SUOX: variants seen among roughly 807,000 people sequenced by gnomAD.
SUOX encodes the protein sulfite oxidase, mitochondrial.
SUOX carries 39 observed loss-of-function variants against 41.9 expected under a neutral mutation model. The ratio of observed to expected loss-of-function variants is 0.93; its 90% CI spans 0.72 to 1.21. The LOEUF (loss-of-function observed/expected upper bound fraction) is 1.21. Ranked by LOEUF, SUOX falls within the 50% of genes most tolerant of loss-of-function variation. The pLI is 0.00. For missense variants in SUOX, 633 were observed against 689.5 expected (o/e 0.92, Z 0.92); for synonymous variants, 220 against 268.4 (o/e 0.82, Z 1.76).
rs372831262 is a variant in SUOX, at chr12:56,004,854, C to T, written c.1465C>T (p.Arg489Cys). ...GCGCCCCAGGAAGGCCTGGGCATGGCGTCTGTGGCAGTTGAAAGCCCCTGT... is the reference window on the plus strand; with the variant it reads ...GCGCCCCAGGAAGGCCTGGGCATGGTGTCTGTGGCAGTTGAAAGCCCCTGT... Reference protein sequence around the residue: ...EQRPRKAWAWRLWQLKAPVPA... With the variant: ...EQRPRKAWAWCLWQLKAPVPA... The change falls in exon 5 of 5, where the codon CGT becomes TGT. Residue 489 changes from arginine (R) to cysteine (C), a missense_variant. Coordinates refer to ENST00000266971, the MANE Select transcript of SUOX (RefSeq NM_001032386.2). This position sits in a 1 kb window ranked among gnomAD's most constrained non-coding sequence, Gnocchi z 4.5. The T allele has an allele frequency of 1.6e-5, 26 of 1,614,012 alleles. No homozygotes were observed. The highest frequency in any genetic ancestry group is 5.3e-5 in the African/African-American group (4 of 74,900).
intron 2 of SUOX, among the ~76,000 whole-genome samples, chr12:55,998,439 C>T (rs1890387911): frequency 6.6e-6 from 1 of 150,840 alleles, no homozygotes; most frequent in Non-Finnish European, 1.5e-5. Flanking sequence ...CCCCGCTACT[C>T]AGGAGGTTGA....
intron 2 of SUOX, among the ~76,000 whole-genome samples, chr12:55,998,541 C>G (rs1000141831): frequency 4.0e-5 from 6 of 151,156 alleles, no homozygotes; most frequent in Admixed American, 2.6e-4. Flanking sequence ...AAGACCCTGT[C>G]AGGGGCAGGG....
chr12:56,002,620 T>C lies in SUOX; in HGVS notation c.128T>C (p.Leu43Pro). The C allele has an allele frequency of 6.2e-7, 1 of 1,613,930 alleles. No homozygotes were observed. ...NDSFQPQRPS[L>P]TFSGDNSSTQ... ...TCATTTCAGCCCCAGCGCCCCAGCC[T>C]CACCTTCTCTGGTGATAACTCCAGC... is the stretch of plus-strand genomic sequence containing the variant. The change falls in exon 4 of 5, where the codon CTC becomes CCC. Residue 43 changes from leucine (L) to proline (P), a missense_variant. Physicochemically the swap from Leu to Pro is moderately conservative, Grantham distance 98. Coordinates refer to ENST00000266971, the MANE Select transcript of SUOX (RefSeq NM_001032386.2).
rs1364235646 is a variant in SUOX, at chr12:55,997,302, G to A, written c.-157G>A. Reference sequence around the variant, plus strand: ...CCCCTTCTCGAGAACTCGCAGAGCTGGGCTGGTAAAATTGCAGTGCTGAAG... The same window carrying A: ...CCCCTTCTCGAGAACTCGCAGAGCTAGGCTGGTAAAATTGCAGTGCTGAAG... On this transcript the variant is annotated 5_prime_UTR_variant, in exon 1 of 5. Coordinates refer to ENST00000266971, the MANE Select transcript of SUOX (RefSeq NM_001032386.2). 1 of 152,340 alleles carries A rather than the reference G, an allele frequency of 6.6e-6. No individual in the cohort carries two copies. The highest frequency in any genetic ancestry group is 1.5e-5 in the Non-Finnish European group (1 of 68,166). 9.4% of individuals were successfully genotyped at this position (152,340 alleles called of 1,614,324 possible).
Position 56,002,731 on chromosome 12 carries a change from A to G in SUOX, c.228+11A>G. The G allele has an allele frequency of 6.2e-7, 1 of 1,613,890 alleles. No individual in the cohort carries two copies. The highest frequency in any genetic ancestry group is 8.5e-7 in the Non-Finnish European group (1 of 1,179,962). On this transcript the variant is annotated intron_variant, in intron 4 of 4. Transcript: ENST00000266971. ...GACCATCGGTGTAGGGTAAGTAGGGAAAGTGCTTCATTGTCAGAACAGACT... is the reference window on the plus strand; with the variant it reads ...GACCATCGGTGTAGGGTAAGTAGGGGAAGTGCTTCATTGTCAGAACAGACT...
At chr12:55,999,113 C>CA (rs575958411) in intron 2 of SUOX, among the ~76,000 whole-genome samples, 313 of 151,272 alleles carry the variant, frequency 2.1e-3, no homozygotes, top group African/African-American at 7.0e-3. Context: ...CATGACTGGC[C>CA]AAAAAAAAGT....
At position 56,002,633 on chromosome 12, in the gene SUOX, T is replaced by TGATA. The variant is rs780603746; in HGVS notation, c.142_145dup (p.Asn49ArgfsTer2). On this transcript the variant is annotated frameshift_variant, in exon 4 of 5. Coordinates refer to ENST00000266971, the MANE Select transcript of SUOX (RefSeq NM_001032386.2). LOFTEE classifies it high-confidence loss of function. The stretch of plus-strand genomic sequence containing the variant: ...AGCGCCCCAGCCTCACCTTCTCTGG[T>TGATA]GATAACTCCAGCACCCAGGGATGGA... The TGATA allele has an allele frequency of 1.9e-6, 3 of 1,613,882 alleles. No individual in the cohort carries two copies. The highest frequency in any genetic ancestry group is 2.5e-6 in the Non-Finnish European group (3 of 1,180,018).
rs988704860 is a variant in SUOX at position 55,997,668 on chromosome 12, G to A, written c.-66G>A. Reference sequence around the variant, plus strand: ...TTCTGGGCTCACTGAGTTCACCTGCGAGTCAGCCCTACCTGCACTGCTCTG... The same window carrying A: ...TTCTGGGCTCACTGAGTTCACCTGCAAGTCAGCCCTACCTGCACTGCTCTG... On this transcript the variant is annotated 5_prime_UTR_variant, in exon 2 of 5. Transcript: ENST00000266971. 1 of 152,282 alleles carries A rather than the reference G, an allele frequency of 6.6e-6. No individual in the cohort carries two copies. The highest frequency in any genetic ancestry group is 1.5e-5 in the Non-Finnish European group (1 of 68,124). The allele number at this position is 152,282 out of a possible 1,614,324, so 9.4% of individuals were successfully genotyped here. A position where few individuals can be genotyped will look rare whatever the true frequency, so the allele number is the denominator to read the frequency against.
Position 56,004,023 on chromosome 12 carries a change from C to T in SUOX, c.634C>T (p.Pro212Ser), listed in dbSNP as rs76442086. 7.4e-6 allele frequency: 12 copies of T among 1,614,010 alleles called. No homozygotes were observed. The highest frequency in any genetic ancestry group is 9.3e-6 in the Non-Finnish European group (11 of 1,180,034). ...LLTENYITPN[P>S]IFFTRNHLPV... ...GACAGAAAACTACATCACACCCAAC[C>T]CTATCTTCTTCACCCGGAACCATCT... The change falls in exon 5 of 5, where the codon CCT becomes TCT. Residue 212 changes from proline (P) to serine (S), a missense_variant. Transcript: ENST00000266971. This position sits in a 1 kb window ranked among gnomAD's most constrained non-coding sequence, Gnocchi z 4.5.
rs1399030286 is a variant in SUOX, at chr12:56,002,552, A to G, written c.60A>G (p.Ser20=). ...CCGACCTCTCTTCCAGACTCAAGTCAATCCCCTCAAGGATCTGCATTCAGG... is the reference window on the plus strand; with the variant it reads ...CCGACCTCTCTTCCAGACTCAAGTCGATCCCCTCAAGGATCTGCATTCAGG... The part of the protein sequence containing the change: ...LRLQQACRLK[S]IPSRICIQAC... The change falls in exon 4 of 5, where the codon TCA becomes TCG. Residue 20 remains serine (S), a synonymous_variant. Transcript: ENST00000266971. The G allele has an allele frequency of 6.2e-7, 1 of 1,614,060 alleles. No homozygotes were observed. The highest frequency in any genetic ancestry group is 8.5e-7 in the Non-Finnish European group (1 of 1,180,036).
Position 56,001,961 on chromosome 12 carries a change from C to G in SUOX, c.-10-251C>G, listed in dbSNP as rs895673547. The G allele has an allele frequency of 2.9e-6, 4 of 1,365,528 alleles. No individual in the cohort carries two copies. The African/African-American group carries it at 5.9e-5, about 20-fold the overall frequency. 84.6% of individuals were successfully genotyped at this position (1,365,528 alleles called of 1,614,324 possible). A position where few individuals can be genotyped will look rare whatever the true frequency, so the allele number is the denominator to read the frequency against. On this transcript the variant is annotated intron_variant, in intron 2 of 4. Transcript: ENST00000266971. Reference sequence around the variant, plus strand: ...AGATGGGAGAAAGGTGATTCTGATTCTAGAAGCACCCATCCCTCCTACCCC... The same window carrying G: ...AGATGGGAGAAAGGTGATTCTGATTGTAGAAGCACCCATCCCTCCTACCCC...
chr12:56,003,162 G>A (rs1246982869), intron 4 of SUOX: 1 of 254,572 alleles, frequency 3.9e-6, no homozygotes, highest in African/African-American at 2.2e-5. Context: ...GCACAGTGGA[G>A]ATGAAATCTG....
rs777050937 is a variant in SUOX at position 56,003,702 on chromosome 12, G to A, written c.313G>A (p.Gly105Ser). The change falls in exon 5 of 5, where the codon GGC becomes AGC. Residue 105 changes from glycine (G) to serine (S), a missense_variant. Gly to Ser is a moderately conservative substitution (Grantham distance 56, BLOSUM62 0). Transcript: ENST00000266971. ...TGAGACTGGGATCTGGGTGACTCTG[G>A]GCTCTGAGGTCTTTGATGTCACAGA... ...SPETGIWVTL[G>S]SEVFDVTEFV... The A allele has an allele frequency of 6.8e-5, 110 of 1,612,770 alleles. No homozygotes were observed. Among genetic ancestry groups the A allele is most frequent in the Non-Finnish European group, 9.0e-5 (106 of 1,179,258 alleles).
rs1041609020 is a variant in SUOX at position 56,005,090 on chromosome 12, C to T, written c.*63C>T. Reference sequence around the variant, plus strand: ...ATTAGCCTCACTGCTTCAGAAAAATCTTTCCCACCTTTCAACTTCTTGGAT... The same window carrying T: ...ATTAGCCTCACTGCTTCAGAAAAATTTTTCCCACCTTTCAACTTCTTGGAT... On this transcript the variant is annotated 3_prime_UTR_variant, in exon 5 of 5. Transcript: ENST00000266971. The T allele has an allele frequency of 2.6e-6, 4 of 1,568,556 alleles. No homozygotes were observed. The South Asian group carries it at 4.4e-5, about 17-fold the overall frequency.
At position 55,999,491 on chromosome 12, in the gene SUOX, C is replaced by T. The variant is rs149480989; in HGVS notation, c.-11+1768C>T. 1,354 of 154,878 alleles carry T rather than the reference C, an allele frequency of 8.7e-3. 7 individuals are homozygous for T. The highest frequency in any genetic ancestry group is 0.011 in the Non-Finnish European group (738 of 70,046). The allele number at this position is 154,878 out of a possible 1,614,324, so 9.6% of individuals were successfully genotyped here. A position where few individuals can be genotyped will look rare whatever the true frequency, so the allele number is the denominator to read the frequency against. On this transcript the variant is annotated intron_variant, in intron 2 of 4. Coordinates refer to ENST00000266971, the MANE Select transcript of SUOX (RefSeq NM_001032386.2). ...TTACAGTTCTTAAAGGCAGCGTGTC[C>T]GGAGTTTGTTCCTTCTGATGTTCAG...
chr12:56,002,182 T>C, intron 2 of SUOX, 30 bp from the exon 3 acceptor site: 1 of 1,612,448 alleles, frequency 6.2e-7, no homozygotes, highest in Non-Finnish European at 8.5e-7. Flanking sequence ...AGGGTCTCCC[T>C]ATCTTGATCC....
intron 2 of SUOX, among the ~76,000 whole-genome samples, chr12:56,000,179 G>C (rs1470142389): frequency 6.6e-6 from 1 of 152,256 alleles, no homozygotes; most frequent in East Asian, 1.9e-4. Context: ...TGATGGGACT[G>C]GGTGCCGTGG....
At chr12:56,002,471 G>C in intron 3 of SUOX, 72 bp from the exon 4 acceptor site, 1 of 1,599,994 alleles carries the variant, frequency 6.3e-7, no homozygotes, top group Non-Finnish European at 8.6e-7. Flanking sequence ...CAGGGAGAAA[G>C]AAGTAGACCC....
rs77330228 is a variant in SUOX at position 56,001,603 on chromosome 12, G to A, written c.-10-609G>A. ...ACTACTGTACTTGTTGGCTCTTCAT[G>A]TTAGCTCTGCTAGGCAGATGTCATT... On this transcript the variant is annotated intron_variant, in intron 2 of 4. Transcript: ENST00000266971. The A allele has an allele frequency of 7.0e-3, 1,162 of 165,608 alleles. 92 individuals are homozygous for A. In the East Asian group the frequency reaches 0.17, roughly 24 times the overall value. The allele number at this position is 165,608 out of a possible 1,614,324, so 10.3% of individuals were successfully genotyped here.
Sources: gnomAD v4.1 joint callset for allele counts (sites outside exome capture counted in the v4.1 genomes callset) on GRCh38, gnomAD v4.1.1 for gene constraint, Gnocchi (gnomAD v3.1) non-coding constraint, MANE v1.5 for transcripts, NCBI Gene and HGNC (gene_info 2026-07-23, HGNC 2026-07-21) for gene names.